Variants in ZNF816 observed in about 807,000 individuals in gnomAD.
ZNF816 encodes the protein zinc finger protein 816A.
A neutral mutation model predicts 8.3 loss-of-function variants in ZNF816; 11 were observed. That is an observed-to-expected ratio of 1.32 (90% CI 0.83 to 2.19). ZNF816 has a LOEUF of 2.19. Ranked by LOEUF, ZNF816 falls within the 30% of genes most tolerant of loss-of-function variation. The pLI is 0.00. For synonymous variants in ZNF816, 255 were observed against 254.5 expected (o/e 1.00, Z -0.02); for missense variants, 710 against 779.3 (o/e 0.91, Z 1.06).
chr19:52,951,679 CTTATT>C (rs771493029), intron 3 of ZNF816, 95 bp from the exon 4 acceptor site: 21 of 1,217,092 alleles, frequency 1.7e-5, no homozygotes, highest in Non-Finnish European at 2.4e-5. Flanking sequence ...AAAAGCAATA[CTTATT>C]TTAAACTTCC....
At chr19:52,956,679 G>A (rs1176109711) in intron 1 of ZNF816, among the ~76,000 whole-genome samples, 1 of 152,190 alleles carries the variant, frequency 6.6e-6, no homozygotes, top group East Asian at 1.9e-4. Flanking sequence ...AATTAGTGTG[G>A]TGTGGTGGCA....
At chr19:52,958,034 A>T (rs1345436571) in intron 1 of ZNF816, among the ~76,000 whole-genome samples, 1 of 152,156 alleles carries the variant, frequency 6.6e-6, no homozygotes, top group Non-Finnish European at 1.5e-5. Context: ...CCTGGTACTT[A>T]TAGAAGTTAA....
At chr19:52,955,225 G>A (rs2083499668) in intron 2 of ZNF816, among the ~76,000 whole-genome samples, 1 of 152,154 alleles carries the variant, frequency 6.6e-6, no homozygotes, top group South Asian at 2.1e-4. Context: ...TCTCTGTGGG[G>A]TCAAAGTGCT....
At position 52,950,671 on chromosome 19, in the gene ZNF816, A is replaced by T; in HGVS notation, c.1104T>A (p.Pro368=). 6.2e-7 allele frequency: 1 copy of T among 1,614,098 alleles called. No individual in the cohort carries two copies. Among genetic ancestry groups the T allele is most frequent in the Non-Finnish European group, 8.5e-7 (1 of 1,179,998 alleles). Residue 368 remains proline (P), a synonymous_variant, in exon 4 of 4, where the codon CCT becomes CCA. Transcript: ENST00000444460. ...IHKAIHTGEK[P]YKCNECGKTF... ...TCTTGCCACACTCATTACACTTGTA[A>T]GGTTTCTCTCCAGTATGAATTGCCT...
intron 1 of ZNF816, among the ~76,000 whole-genome samples, chr19:52,961,102 G>C (rs1472434181): frequency 2.0e-5 from 3 of 152,162 alleles, no homozygotes; most frequent in Non-Finnish European, 4.4e-5. Context: ...GAATGTACAG[G>C]CACGTTAAAA....
intron 1 of ZNF816, chr19:52,959,878 A>G (rs573358889): frequency 6.6e-6 from 1 of 152,342 alleles, no homozygotes; most frequent in African/African-American, 2.4e-5. Flanking sequence ...CAACATCCAC[A>G]CCCTACTGGG....
chr19:52,953,006 T>A (rs2122147447), intron 2 of ZNF816, 129 bp from the exon 3 acceptor site: 1 of 1,437,960 alleles, frequency 7.0e-7, no homozygotes, highest in Non-Finnish European at 9.1e-7. Context: ...TATGTTAAGG[T>A]ATTTTTGAAC....
At chr19:52,960,221 G>A (rs1367545549) in intron 1 of ZNF816, 4 of 269,706 alleles carry the variant, frequency 1.5e-5, no homozygotes, top group South Asian at 3.8e-5. Context: ...CATTCTGCCC[G>A]GCATACAAGC....
chr19:52,960,183 G>A (rs2083544316), intron 1 of ZNF816: 1 of 218,474 alleles, frequency 4.6e-6, no homozygotes, highest in Admixed American at 5.4e-5. Flanking sequence ...GTTACCTGCC[G>A]ACAGCACAAT....
At position 52,957,658 on chromosome 19, in the gene ZNF816, C is replaced by T. The variant is rs182493458; in HGVS notation, c.-15-1554G>A. ...AGTAGTAACCGCCCCGGTTGCCCCC[C>T]TTTCCAAAAAGACTATTGTTATAAT... On this transcript the variant is annotated intron_variant, in intron 1 of 3. Transcript: ENST00000444460. The surrounding 1 kb of genome is among the most constrained non-coding windows in gnomAD (Gnocchi z 4.6). Among the ~76,000 whole-genome samples the T allele has an allele frequency of 1.1e-3, 171 of 152,324 alleles. 1 individual carries two copies. Among genetic ancestry groups the T allele is most frequent in the Middle Eastern group, 6.8e-3 (2 of 292 alleles).
intron 1 of ZNF816, among the ~76,000 whole-genome samples, chr19:52,962,035 A>G (rs2083561325): frequency 1.3e-5 from 2 of 152,194 alleles, no homozygotes; most frequent in Admixed American, 1.3e-4. Flanking sequence ...TGTATACAAC[A>G]GCACAACAAG....
At chr19:52,953,508 ATATATAATATATATT>A (rs2083479667) in intron 2 of ZNF816, 1 of 52,256 alleles carries the variant, frequency 1.9e-5, no homozygotes, top group African/African-American at 3.0e-4. Context: ...ATATTTAATT[ATATATAATATATATT>A]TATAATATAT....
chr19:52,957,193 C>T lies in ZNF816; in HGVS notation c.-15-1089G>A, dbSNP rs983671432. 5.3e-5 allele frequency among the ~76,000 whole-genome samples: 8 copies of T among 152,236 alleles called. No individual in the cohort carries two copies. The highest frequency in any genetic ancestry group is 7.4e-5 in the Non-Finnish European group (5 of 68,018). ...TGTCTGAGAGGTACTGTCTGCGGCT[C>T]GTCATGCTACATTTCTTGGTTCCCT... On this transcript the variant is annotated intron_variant, in intron 1 of 3. Transcript: ENST00000444460. This position sits in a 1 kb window ranked among gnomAD's most constrained non-coding sequence, Gnocchi z 4.6.
Position 52,949,557 on chromosome 19 carries a change from C to A in ZNF816, c.*262G>T. ...ATGAGGTGTGAACATGAAGTAAAGG[C>A]TTTGCCACAATCATCACACTTGTGA... On this transcript the variant is annotated 3_prime_UTR_variant, in exon 4 of 4. Coordinates refer to ENST00000444460, the MANE Select transcript of ZNF816 (RefSeq NM_001202457.3). 1 of 692,304 alleles carries A rather than the reference C, an allele frequency of 1.4e-6. No individual in the cohort carries two copies. The highest frequency in any genetic ancestry group is 2.7e-6 in the Non-Finnish European group (1 of 373,820). 42.9% of individuals were successfully genotyped at this position (692,304 alleles called of 1,614,324 possible). A position where few individuals can be genotyped will look rare whatever the true frequency, so the allele number is the denominator to read the frequency against.
At chr19:52,961,645 C>A (rs1365010608) in intron 1 of ZNF816, among the ~76,000 whole-genome samples, 1 of 152,186 alleles carries the variant, frequency 6.6e-6, no homozygotes, top group Non-Finnish European at 1.5e-5. Context: ...CCCAAGTTGC[C>A]ATTTTAGTCC....
In ZNF816 at chr19:52,956,187, C is replaced by G. The variant is rs191504197; in HGVS notation, c.-15-83G>C. 1.2e-3 allele frequency: 1,730 copies of G among 1,462,456 alleles called. 4 individuals carry two copies. The highest frequency in any genetic ancestry group is 0.01 in the Middle Eastern group (55 of 5,460). 90.6% of individuals were successfully genotyped at this position (1,462,456 alleles called of 1,614,324 possible). ...GACAAAACACACACACAGGGGAAAC[C>G]TCACCCGAGAGAAAGATGGTCCTTT... On this transcript the variant is annotated intron_variant, in intron 1 of 3. Coordinates refer to ENST00000444460, the MANE Select transcript of ZNF816 (RefSeq NM_001202457.3).
Position 52,951,171 on chromosome 19 carries a change from G to C in ZNF816, c.604C>G (p.His202Asp). Residue 202 changes from histidine (H) to aspartate (D), a missense_variant, in exon 4 of 4, where the codon CAT becomes GAT. By Grantham distance (81) the His-to-Asp change is moderately conservative. Transcript: ENST00000444460. ...TTCTTCCCATACTTATTAGAAATAT[G>C]AGTTTTGAGCCTACAAGAAATTCTT... ...SQRISCRLKTHISNKYGKNFL... is the reference protein window; with the variant it reads ...SQRISCRLKTDISNKYGKNFL... 1 of 1,613,896 alleles carries C rather than the reference G, an allele frequency of 6.2e-7. No individual in the cohort carries two copies. Among genetic ancestry groups the C allele is most frequent in the Non-Finnish European group, 8.5e-7 (1 of 1,180,016 alleles).
chr19:52,949,988 T>C lies in ZNF816; in HGVS notation c.1787A>G (p.Asn596Ser). 3.1e-6 allele frequency: 5 copies of C among 1,614,040 alleles called. No individual in the cohort carries two copies. The highest frequency in any genetic ancestry group is 3.4e-6 in the Non-Finnish European group (4 of 1,179,938). ...VHTGEKPYKC[N>S]ECGKVFNQKA... ...TTGATTAAAAACCTTGCCACATTCA[T>C]TACACTTGTAAGGTTTCTCTCCAGT... The change falls in exon 4 of 4, where the codon AAT (asparagine) becomes AGT (serine). Residue 596 changes from asparagine (N) to serine (S), a missense_variant. Transcript: ENST00000444460.
At chr19:52,956,197 A>G in intron 1 of ZNF816, 93 bp from the exon 2 acceptor site, 1 of 1,406,110 alleles carries the variant, frequency 7.1e-7, no homozygotes, top group Non-Finnish European at 9.7e-7. Flanking sequence ...CTCACCCGAG[A>G]GAAAGATGGT....
Sources: allele counts gnomAD v4.1 joint callset (sites outside exome capture counted in the v4.1 genomes callset), GRCh38; gene constraint gnomAD v4.1.1; non-coding constraint Gnocchi (gnomAD v3.1); transcripts MANE v1.5; gene names NCBI Gene and HGNC (gene_info 2026-07-23, HGNC 2026-07-21).